The following SEMA3A variants were observed in gnomAD, a reference collection of about 807,000 sequenced individuals.
The protein encoded by SEMA3A is semaphorin 3A.
Under a neutral mutation model 97.9 loss-of-function variants are expected in SEMA3A, and 29 were observed. The ratio of observed to expected loss-of-function variants is 0.30; its 90% confidence interval spans 0.22 to 0.40. The LOEUF is 0.40. Among genes scored for constraint, SEMA3A ranks in the 10% least tolerant of loss-of-function variants. The pLI, the probability that SEMA3A is intolerant of heterozygous loss-of-function variation, is 1.00. For missense variants in SEMA3A, 763 were observed against 951.3 expected (o/e 0.80, Z 2.60); for synonymous variants, 321 against 323.7 (o/e 0.99, Z 0.09).
At chr7:84,025,014 G>T (rs1195205030) in intron 6 of SEMA3A, among the ~76,000 whole-genome samples, 2 of 152,220 alleles carry the variant, frequency 1.3e-5, no homozygotes, top group East Asian at 3.9e-4. Flanking sequence ...TTGAACTCAG[G>T]AGGCGGAGGT....
intron 3 of SEMA3A, among the ~76,000 whole-genome samples, chr7:84,227,675 G>T (rs1052753664): frequency 6.6e-6 from 1 of 152,080 alleles, no homozygotes; most frequent in Non-Finnish European, 1.5e-5. Flanking sequence ...GGGGTGTGGT[G>T]AGATTGGAGG....
At chr7:84,406,596 A>C (rs941118862) in intron 1 of SEMA3A, among the ~76,000 whole-genome samples, 2 of 152,062 alleles carry the variant, frequency 1.3e-5, no homozygotes, top group East Asian at 1.9e-4. Flanking sequence ...GACACAACAA[A>C]AAAAAAGAGA....
chr7:84,009,415 T>A (rs1292182970), intron 9 of SEMA3A, among the ~76,000 whole-genome samples: 4 of 152,216 alleles, frequency 2.6e-5, no homozygotes, highest in Non-Finnish European at 5.9e-5. Flanking sequence ...TATGTGATTT[T>A]AAAAAATTAT....
chr7:84,057,374 G>A (rs575698272), intron 5 of SEMA3A, among the ~76,000 whole-genome samples: 3 of 151,822 alleles, frequency 2.0e-5, no homozygotes, highest in African/African-American at 7.3e-5. Flanking sequence ...TTCACATCTG[G>A]CATTTATTAT....
chr7:84,086,793 A>G (rs13233499), intron 4 of SEMA3A, among the ~76,000 whole-genome samples: 62,151 of 150,384 alleles, frequency 0.41, 14,723 homozygotes, highest in Admixed American at 0.52. Flanking sequence ...TACATCAGCT[A>G]GGTTTTTGCC....
chr7:84,303,878 G>A (rs1475411079), intron 3 of SEMA3A, among the ~76,000 whole-genome samples: 4 of 152,070 alleles, frequency 2.6e-5, no homozygotes, highest in Admixed American at 2.0e-4. Context: ...ATGCGTTTTC[G>A]ACTTACTATA....
At chr7:84,122,462 C>T (rs540122351) in intron 3 of SEMA3A, among the ~76,000 whole-genome samples, 5 of 151,912 alleles carry the variant, frequency 3.3e-5, no homozygotes, top group South Asian at 4.2e-4. Context: ...CTAGTCAGGG[C>T]GTCTGCTCAT....
At chr7:84,405,584 G>C (rs1804056936) in intron 1 of SEMA3A, among the ~76,000 whole-genome samples, 1 of 152,124 alleles carries the variant, frequency 6.6e-6, no homozygotes, top group South Asian at 2.1e-4. Flanking sequence ...CAAATCAACA[G>C]AATATGCATT....
Position 83,997,935 on chromosome 7 carries a change from A to G in SEMA3A, c.1452+4020T>C, listed in dbSNP as rs1790284372. Among the ~76,000 whole-genome samples the G allele has an allele frequency of 2.0e-5, 3 of 151,964 alleles. No individual in the cohort carries two copies. In the South Asian group the frequency reaches 6.2e-4, roughly 32 times the overall value. On this transcript the variant is annotated intron_variant, in intron 12 of 16. Transcript: ENST00000265362. ...GCATTTTTAGTAGAGACGGGGTTTC[A>G]CCATCTTGGCCAGGCTGGTCTCGAA...
At position 84,024,501 on chromosome 7, in the gene SEMA3A, G is replaced by A. The variant is rs1791472518; in HGVS notation, c.668-10150C>T. Among the ~76,000 whole-genome samples, 3 of 14,482 alleles carry A rather than the reference G, an allele frequency of 2.1e-4. No homozygotes were observed. The South Asian group carries it at 4.7e-3, about 23-fold the overall frequency. The allele number at this position is 14,482 out of a possible 152,430, so 9.5% of individuals were successfully genotyped here. A position where few individuals can be genotyped will look rare whatever the true frequency, so the allele number is the denominator to read the frequency against. ...GCGGAGGTTGCAGTGTGCTGAGACCGCACCACTGCACTCCAGCCTGAGCAA... is the reference window on the plus strand; with the variant it reads ...GCGGAGGTTGCAGTGTGCTGAGACCACACCACTGCACTCCAGCCTGAGCAA... On this transcript the variant is annotated intron_variant, in intron 6 of 16. Transcript: ENST00000265362.
At chr7:84,395,602 T>C (rs1803710471) in intron 1 of SEMA3A, among the ~76,000 whole-genome samples, 1 of 73,748 alleles carries the variant, frequency 1.4e-5, no homozygotes, top group Non-Finnish European at 2.5e-5. Flanking sequence ...TGGGGGGAGA[T>C]AATTGAATCA....
chr7:84,426,829 T>G (rs370193663), intron 1 of SEMA3A, among the ~76,000 whole-genome samples: 1 of 152,184 alleles, frequency 6.6e-6, no homozygotes, highest in Non-Finnish European at 1.5e-5. Flanking sequence ...ATCAGACTTA[T>G]AAATTTTTTC....
At chr7:84,248,593 T>C (rs560370403) in intron 3 of SEMA3A, among the ~76,000 whole-genome samples, 18 of 151,128 alleles carry the variant, frequency 1.2e-4, no homozygotes, top group Admixed American at 2.0e-4. Flanking sequence ...GCTTTTTTTT[T>C]AGCTCTATTA....
intron 2 of SEMA3A, among the ~76,000 whole-genome samples, chr7:84,322,380 AT>A: frequency 6.6e-6 from 1 of 151,892 alleles, no homozygotes; most frequent in Non-Finnish European, 1.5e-5. Context: ...TCATATTTTA[AT>A]TATGGATATG....
chr7:84,097,212 A>C (rs1467077887), intron 4 of SEMA3A, among the ~76,000 whole-genome samples: 1 of 152,130 alleles, frequency 6.6e-6, no homozygotes, highest in African/African-American at 2.4e-5. Context: ...ACTTAAAAGG[A>C]TCTTGAACCC....
Position 83,961,096 on chromosome 7 carries a change from C to T in SEMA3A, c.*275G>A, listed in dbSNP as rs984832436. 2.3e-6 allele frequency: 1 copy of T among 432,734 alleles called. No individual in the cohort carries two copies. Among genetic ancestry groups the T allele is most frequent in the Non-Finnish European group, 4.2e-6 (1 of 237,926 alleles). The allele number at this position is 432,734 out of a possible 1,614,324, so 26.8% of individuals were successfully genotyped here. On this transcript the variant is annotated 3_prime_UTR_variant, in exon 17 of 17. Coordinates refer to ENST00000265362, the MANE Select transcript of SEMA3A (RefSeq NM_006080.3). The stretch of plus-strand genomic sequence containing the variant: ...TTCTCAGGCAAAGAAGAAAGACAAA[C>T]CTGTACAGTGAAATCTCATAGGAAA...
chr7:84,322,749 T>G (rs918115490), intron 2 of SEMA3A, among the ~76,000 whole-genome samples: 4 of 152,208 alleles, frequency 2.6e-5, no homozygotes, highest in African/African-American at 9.6e-5. Flanking sequence ...AATACAATCA[T>G]TTTAAAGAAA....
chr7:84,145,512 C>T (rs1796436527), intron 1 of SEMA3A, among the ~76,000 whole-genome samples: 1 of 152,028 alleles, frequency 6.6e-6, no homozygotes. Flanking sequence ...TATACATTAG[C>T]TTTGCTAATT....
At chr7:84,312,436 A>T (rs893329109) in intron 2 of SEMA3A, among the ~76,000 whole-genome samples, 2 of 151,802 alleles carry the variant, frequency 1.3e-5, no homozygotes, top group Non-Finnish European at 3.0e-5. Flanking sequence ...ACACTGAAAC[A>T]ACATTTCCCT....
Sources: allele counts gnomAD v4.1 joint callset (sites outside exome capture counted in the v4.1 genomes callset), GRCh38; gene constraint gnomAD v4.1.1; transcripts MANE v1.5; gene names NCBI Gene and HGNC (gene_info 2026-07-23, HGNC 2026-07-21).